Variants in FSIP1 observed in about 807,000 individuals in gnomAD.
The protein encoded by FSIP1 is fibrous sheath interacting protein 1, also known as fibrous sheath-interacting protein 1.
Under a neutral mutation model 60.9 loss-of-function variants are expected in FSIP1, and 65 were observed. The observed-to-expected ratio is 1.07, with a 90% CI of 0.87 to 1.31. The LOEUF is 1.31. Ranked by LOEUF, FSIP1 falls within the 40% of genes most tolerant of loss-of-function variation. The pLI is 0.00. For synonymous variants in FSIP1, 209 were observed against 221.2 expected (o/e 0.94, Z 0.49); for missense variants, 675 against 665.5 (o/e 1.01, Z -0.16).
At chr15:39,704,483 A>G (rs1175581237) in intron 10 of FSIP1, among the ~76,000 whole-genome samples, 2 of 152,246 alleles carry the variant, frequency 1.3e-5, no homozygotes, top group Non-Finnish European at 2.9e-5. Context: ...GTGGGTGGCC[A>G]CAAATCTTAG....
At chr15:39,685,786 A>C (rs545457067) in intron 10 of FSIP1, among the ~76,000 whole-genome samples, 2 of 152,292 alleles carry the variant, frequency 1.3e-5, no homozygotes, top group South Asian at 4.2e-4. Context: ...GATTAATCCC[A>C]AAACAACAAG....
At chr15:39,638,760 C>A (rs556781103) in intron 10 of FSIP1, among the ~76,000 whole-genome samples, 1 of 151,898 alleles carries the variant, frequency 6.6e-6, no homozygotes, top group Non-Finnish European at 1.5e-5. Context: ...AACAGGGAAC[C>A]AAAGAGACTA....
At position 39,713,553 on chromosome 15, in the gene FSIP1, A is replaced by G. The variant is rs776034235; in HGVS notation, c.1079T>C (p.Met360Thr). The G allele has an allele frequency of 6.2e-7, 1 of 1,602,158 alleles. No individual in the cohort carries two copies. The highest frequency in any genetic ancestry group is 8.5e-7 in the Non-Finnish European group (1 of 1,175,680). Reference sequence around the variant, plus strand: ...TATCTTTTCTCCTGGAGTTACTTCCATATTTCTTTCACCATCACGGTCAGG... The same window carrying G: ...TATCTTTTCTCCTGGAGTTACTTCCGTATTTCTTTCACCATCACGGTCAGG... ...QKPDRDGERN[M>T]EVTPGEKILR... The change falls in exon 10 of 12, where the codon ATG (methionine) becomes ACG (threonine). Residue 360 changes from methionine to threonine, a missense_variant. Physicochemically the swap from Met to Thr is moderately conservative, Grantham distance 81. Transcript: ENST00000350221.
intron 9 of FSIP1, among the ~76,000 whole-genome samples, chr15:39,725,588 A>G (rs1455160650): frequency 6.6e-6 from 1 of 152,206 alleles, no homozygotes; most frequent in Admixed American, 6.5e-5. Context: ...TGGTCCACAA[A>G]GATCATGGTC....
intron 10 of FSIP1, among the ~76,000 whole-genome samples, chr15:39,671,558 T>G (rs1893721125): frequency 6.6e-6 from 1 of 152,150 alleles, no homozygotes; most frequent in Admixed American, 6.5e-5. Flanking sequence ...AACCACCAAA[T>G]TTTAGTGCCA....
chr15:39,704,295 C>G (rs1245311777), intron 10 of FSIP1, among the ~76,000 whole-genome samples: 1 of 152,100 alleles, frequency 6.6e-6, no homozygotes, highest in African/African-American at 2.4e-5. Context: ...ACAAAGACAC[C>G]AAAGTATAAC....
At chr15:39,672,041 G>C (rs752946037) in intron 10 of FSIP1, among the ~76,000 whole-genome samples, 2 of 152,190 alleles carry the variant, frequency 1.3e-5, no homozygotes, top group Non-Finnish European at 2.9e-5. Flanking sequence ...AAGAGATAAA[G>C]ACCTGGGGGA....
At chr15:39,605,464 C>T (rs1890789663) in intron 11 of FSIP1, among the ~76,000 whole-genome samples, 1 of 152,218 alleles carries the variant, frequency 6.6e-6, no homozygotes, top group African/African-American at 2.4e-5. Context: ...AATGAAAATT[C>T]TCATGCCTTA....
chr15:39,640,852 A>G (rs957636557), intron 10 of FSIP1, among the ~76,000 whole-genome samples: 1 of 152,198 alleles, frequency 6.6e-6, no homozygotes, highest in Non-Finnish European at 1.5e-5. Context: ...AGTGTATGAA[A>G]GGTTGAAATC....
chr15:39,718,705 C>T (rs564243117), intron 9 of FSIP1, among the ~76,000 whole-genome samples: 3 of 152,124 alleles, frequency 2.0e-5, no homozygotes, highest in Non-Finnish European at 2.9e-5. Flanking sequence ...CTATGTTGCC[C>T]GGGCTGATTT....
rs755059526 is a variant in FSIP1, at chr15:39,600,881, T to C, written c.1745A>G (p.Ter582=). The C allele has an allele frequency of 1.9e-6, 3 of 1,606,864 alleles. No individual in the cohort carries two copies. The highest frequency in any genetic ancestry group is 2.5e-6 in the Non-Finnish European group (3 of 1,177,622). ...KDAAEECKEP[*] The stretch of plus-strand genomic sequence containing the variant: ...AAAGCACACCCAGCAAGTCCTTGAT[T>C]AGGGTTCTTTACATTCTTCTGCTGC... The change falls in exon 12 of 12, where the codon TAA becomes TGA. Residue 582 remains the stop codon, a stop_retained_variant. Coordinates refer to ENST00000350221, the MANE Select transcript of FSIP1 (RefSeq NM_152597.5).
At chr15:39,616,106 C>T (rs193025455) in intron 11 of FSIP1, among the ~76,000 whole-genome samples, 2 of 152,254 alleles carry the variant, frequency 1.3e-5, no homozygotes, top group Admixed American at 1.3e-4. Context: ...TTAAAAATTA[C>T]AGCTTGCGAA....
intron 11 of FSIP1, among the ~76,000 whole-genome samples, chr15:39,616,689 A>G (rs1891243263): frequency 6.6e-6 from 1 of 152,242 alleles, no homozygotes; most frequent in South Asian, 2.1e-4. Context: ...GAGACACTGA[A>G]CAAGTTAAGG....
chr15:39,781,032 G>A (rs1475952798), intron 1 of FSIP1, among the ~76,000 whole-genome samples: 1 of 152,164 alleles, frequency 6.6e-6, no homozygotes, highest in East Asian at 1.9e-4. Flanking sequence ...TTCAAAAGAT[G>A]TTAAGACAAG....
In FSIP1 at chr15:39,674,569, G is replaced by C. The variant is rs1323242628; in HGVS notation, c.1188+38875C>G. ...CATATTGACCTATGGAGTAGAAGAG[G>C]GCCCAGAAAAAAAAAAATCCCACAC... On this transcript the variant is annotated intron_variant, in intron 10 of 11. Transcript: ENST00000350221. Among the ~76,000 whole-genome samples, 10 of 148,626 alleles carry C rather than the reference G, an allele frequency of 6.7e-5. No homozygotes were observed. In the Admixed American group the frequency reaches 7.0e-4, roughly 10 times the overall value.
chr15:39,662,595 T>TAG (rs1893341911), intron 10 of FSIP1, among the ~76,000 whole-genome samples: 1 of 151,892 alleles, frequency 6.6e-6, no homozygotes, highest in Non-Finnish European at 1.5e-5. Flanking sequence ...AGGTCTTCTC[T>TAG]AGCCTTCCAC....
At chr15:39,698,999 T>G (rs775580902) in intron 10 of FSIP1, among the ~76,000 whole-genome samples, 3 of 152,174 alleles carry the variant, frequency 2.0e-5, no homozygotes, top group Non-Finnish European at 2.9e-5. Context: ...TGCCCTAGCC[T>G]CCTCTGTCTT....
intron 9 of FSIP1, among the ~76,000 whole-genome samples, chr15:39,722,636 C>A (rs202096897): frequency 4.0e-5 from 6 of 150,672 alleles, no homozygotes; most frequent in Non-Finnish European, 1.5e-5. Context: ...TCTCTCTCTG[C>A]TCTAAACCAC....
intron 10 of FSIP1, among the ~76,000 whole-genome samples, chr15:39,656,412 A>C (rs1893072019): frequency 6.6e-6 from 1 of 152,190 alleles, no homozygotes; most frequent in Non-Finnish European, 1.5e-5. Flanking sequence ...ATTGTTCTAA[A>C]TCTTGTCCTC....
Sources: gnomAD v4.1 joint callset for allele counts (sites outside exome capture counted in the v4.1 genomes callset) on GRCh38, gnomAD v4.1.1 for gene constraint, MANE v1.5 for transcripts, NCBI Gene and HGNC (gene_info 2026-07-23, HGNC 2026-07-21) for gene names.